Variants in CAB39 observed in about 807,000 individuals in gnomAD.
CAB39 encodes calcium binding protein 39, also known as calcium-binding protein 39.
CAB39 carries 8 observed loss-of-function variants against 40.0 expected under a neutral mutation model. That is an observed-to-expected ratio of 0.20 (90% CI 0.12 to 0.36). The LOEUF (loss-of-function observed/expected upper bound fraction) is 0.36. Among genes scored for constraint, CAB39 ranks in the 10% least tolerant of loss-of-function variants. The probability of loss-of-function intolerance (pLI) is 1.00; values close to 1 mark genes in which losing one functional copy is unlikely to be tolerated. For synonymous variants in CAB39, 156 were observed against 141.6 expected (o/e 1.10, Z -0.72); for missense variants, 270 against 401.1 (o/e 0.67, Z 2.79).
chr2:230,773,314 A>ATGTG (rs71052549), intron 2 of CAB39, among the ~76,000 whole-genome samples: 31,804 of 132,474 alleles, frequency 0.24, 4,257 homozygotes, highest in Middle Eastern at 0.32. Context: ...ATATATATAT[A>ATGTG]TGTGTGTGTG....
chr2:230,813,976 G>GTTTT (rs1335944963), intron 6 of CAB39, 73 bp from the exon 7 acceptor site: 4 of 262,074 alleles, frequency 1.5e-5, no homozygotes, highest in African/African-American at 1.3e-4. Flanking sequence ...TTACCTACCA[G>GTTTT]TCTTTTTTTT....
At chr2:230,749,009 G>GA (rs1553669298) in intron 1 of CAB39, among the ~76,000 whole-genome samples, 6 of 140,550 alleles carry the variant, frequency 4.3e-5, no homozygotes, top group Admixed American at 2.1e-4. Flanking sequence ...CCGCCCCCGT[G>GA]TTTTTTTTTT....
chr2:230,798,482 C>T (rs573452348), intron 4 of CAB39, among the ~76,000 whole-genome samples: 34 of 152,288 alleles, frequency 2.2e-4, no homozygotes, highest in East Asian at 7.7e-4. Context: ...CACACAGTCA[C>T]TCGTATGGCT....
In CAB39 at chr2:230,752,039, C is replaced by CCCA. The variant is rs1695096703; in HGVS notation, c.-43-7918_-43-7917insACC. 2 of 98,126 alleles carry CCCA rather than the reference C, an allele frequency of 2.0e-5. 1 individual carries two copies. The highest frequency in any genetic ancestry group is 4.7e-5 in the Non-Finnish European group (2 of 42,348). 6.1% of individuals were successfully genotyped at this position (98,126 alleles called of 1,614,324 possible). A position where few individuals can be genotyped will look rare whatever the true frequency, so the allele number is the denominator to read the frequency against. On this transcript the variant is annotated intron_variant, in intron 1 of 8. Transcript: ENST00000258418. ...TTTCATATTCTGACCACCCCCCCCC[C>CCCA]CCCCACATACACACCCCCAACCTCA...
intron 2 of CAB39, among the ~76,000 whole-genome samples, chr2:230,774,553 C>T (rs910568361): frequency 1.3e-5 from 2 of 152,196 alleles, no homozygotes; most frequent in East Asian, 3.8e-4. Context: ...ACGCACTCTT[C>T]GCCCACCACA....
At chr2:230,811,343 A>G (rs1696302378) in intron 6 of CAB39, among the ~76,000 whole-genome samples, 1 of 152,076 alleles carries the variant, frequency 6.6e-6, no homozygotes, top group African/African-American at 2.4e-5. Context: ...CTCCACTCCC[A>G]GTAAGAACAT....
intron 2 of CAB39, among the ~76,000 whole-genome samples, chr2:230,786,163 C>CAAAAAA (rs369510604): frequency 4.1e-5 from 3 of 72,748 alleles, no homozygotes; most frequent in African/African-American, 4.2e-5. Flanking sequence ...GACTCTGTCT[C>CAAAAAA]AAAAAAAAAA....
intron 2 of CAB39, among the ~76,000 whole-genome samples, chr2:230,790,287 T>C (rs1465641314): frequency 7.2e-5 from 11 of 152,124 alleles, no homozygotes; most frequent in African/African-American, 2.4e-4. Flanking sequence ...TACTCATTAG[T>C]CTTTTTCATG....
intron 1 of CAB39, among the ~76,000 whole-genome samples, chr2:230,730,740 G>A (rs527648023): frequency 1.2e-4 from 18 of 152,228 alleles, no homozygotes; most frequent in African/African-American, 4.1e-4. Context: ...CACTGCGCCC[G>A]GCCAAGAAAA....
chr2:230,796,304 C>G (rs917774902), intron 4 of CAB39, among the ~76,000 whole-genome samples: 2 of 152,086 alleles, frequency 1.3e-5, no homozygotes, highest in Non-Finnish European at 2.9e-5. Flanking sequence ...TACTAGCATG[C>G]ATTTGAAGTC....
chr2:230,752,293 G>A (rs1401349847), intron 1 of CAB39: 1 of 151,308 alleles, frequency 6.6e-6, no homozygotes, highest in African/African-American at 2.4e-5. Flanking sequence ...CCCAATCATA[G>A]ACAACCAGAT....
At chr2:230,766,622 A>T (rs1013479689) in intron 2 of CAB39, among the ~76,000 whole-genome samples, 5 of 152,126 alleles carry the variant, frequency 3.3e-5, no homozygotes, top group Admixed American at 6.5e-5. Flanking sequence ...TGCAGCTTCC[A>T]CCTCCCGGGC....
intron 7 of CAB39, 102 bp downstream of exon 7, chr2:230,814,216 G>A: frequency 5.0e-6 from 3 of 604,134 alleles, no homozygotes; most frequent in Non-Finnish European, 8.7e-6. Flanking sequence ...GACCTTTGGG[G>A]GAAATAAATA....
chr2:230,735,323 C>T (rs554724702), intron 1 of CAB39, among the ~76,000 whole-genome samples: 14 of 151,986 alleles, frequency 9.2e-5, no homozygotes, highest in Admixed American at 2.6e-4. Flanking sequence ...CTTGCCACCA[C>T]GCCTGGCTTA....
chr2:230,730,843 AT>A (rs1300279519), intron 1 of CAB39, among the ~76,000 whole-genome samples: 1 of 152,220 alleles, frequency 6.6e-6, no homozygotes, highest in Non-Finnish European at 1.5e-5. Flanking sequence ...TGTGAAAAAA[AT>A]TTGTGCGATG....
At chr2:230,731,921 A>C (rs1694697540) in intron 1 of CAB39, among the ~76,000 whole-genome samples, 1 of 152,218 alleles carries the variant, frequency 6.6e-6, no homozygotes, top group Admixed American at 6.5e-5. Context: ...CGTGTTGTTA[A>C]AAATGTTCCA....
intron 2 of CAB39, among the ~76,000 whole-genome samples, chr2:230,788,806 T>C (rs1695842054): frequency 6.6e-6 from 1 of 152,194 alleles, no homozygotes; most frequent in Admixed American, 6.5e-5. Context: ...TAGTATTTTT[T>C]CCCTCTGGCT....
chr2:230,812,266 G>T (rs912966623), intron 6 of CAB39, among the ~76,000 whole-genome samples: 1 of 152,192 alleles, frequency 6.6e-6, no homozygotes, highest in Non-Finnish European at 1.5e-5. Context: ...TCATGTAGTG[G>T]ACAGTCATTG....
intron 1 of CAB39, among the ~76,000 whole-genome samples, chr2:230,718,658 G>A (rs940644375): frequency 3.5e-4 from 53 of 152,194 alleles, no homozygotes; most frequent in African/African-American, 1.2e-3. Flanking sequence ...ATGTGCTGCC[G>A]TGTATCAGAT....
Sources: gnomAD v4.1 joint callset for allele counts (sites outside exome capture counted in the v4.1 genomes callset) on GRCh38, gnomAD v4.1.1 for gene constraint, MANE v1.5 for transcripts, NCBI Gene and HGNC (gene_info 2026-07-23, HGNC 2026-07-21) for gene names.